DNAI1: variants seen among roughly 807,000 people sequenced by gnomAD.
DNAI1 encodes the protein dynein, axonemal, intermediate polypeptide 1.
Under a neutral mutation model 92.0 loss-of-function variants are expected in DNAI1, and 67 were observed. The observed-to-expected ratio is 0.73, with a 90% CI of 0.60 to 0.89. DNAI1 has a LOEUF of 0.89. DNAI1 is among the 40% of genes least tolerant of loss of function. DNAI1 has a pLI of 0.00. For missense variants in DNAI1, 839 were observed against 866.6 expected (o/e 0.97, Z 0.40); for synonymous variants, 323 against 319.6 (o/e 1.01, Z -0.11).
intron 4 of DNAI1, among the ~76,000 whole-genome samples, chr9:34,485,731 A>G (rs1446210933): frequency 6.6e-6 from 1 of 152,132 alleles, no homozygotes; most frequent in African/African-American, 2.4e-5. Context: ...TGTGGTCTTA[A>G]GTGTCCTGCA....
At chr9:34,463,081 C>T (rs945860662) in intron 1 of DNAI1, among the ~76,000 whole-genome samples, 30 of 151,860 alleles carry the variant, frequency 2.0e-4, no homozygotes, top group Admixed American at 1.2e-3. Flanking sequence ...ATAGGATGGA[C>T]AGGGAAGGTG....
chr9:34,506,601 C>G lies in DNAI1; in HGVS notation c.1064-26C>G, dbSNP rs541304740. The G allele has an allele frequency of 2.5e-6, 4 of 1,614,016 alleles. No individual in the cohort carries two copies. The South Asian group carries it at 3.3e-5, about 13-fold the overall frequency. On this transcript the variant is annotated intron_variant, in intron 12 of 19. Transcript: ENST00000242317. The stretch of plus-strand genomic sequence containing the variant: ...AGGCAGGGCAGTTGGATCCTCCAAC[C>G]TCAGCCGCCCATCTTCCCTGGGTAG...
At chr9:34,503,589 AG>A (rs1456953921) in intron 12 of DNAI1, among the ~76,000 whole-genome samples, 1 of 152,198 alleles carries the variant, frequency 6.6e-6, no homozygotes, top group Admixed American at 6.5e-5. Context: ...AAACTTTGGC[AG>A]GGGTAGGTAT....
In DNAI1 at chr9:34,490,503, A is replaced by C. The variant is rs780220968; in HGVS notation, c.621+15A>C. The C allele has an allele frequency of 1.5e-5, 25 of 1,613,444 alleles. No homozygotes were observed. Among genetic ancestry groups the C allele is most frequent in the Non-Finnish European group, 2.1e-5 (25 of 1,180,002 alleles). ...ACCCTGTCCGGGTAGAGCAGCCCCC[A>C]CCCTAGCCCCTTTGCAGCTCTTCAC... On this transcript the variant is annotated intron_variant, in intron 7 of 19. Coordinates refer to ENST00000242317, the MANE Select transcript of DNAI1 (RefSeq NM_012144.4).
chr9:34,506,783 A>T lies in DNAI1; in HGVS notation c.1220A>T (p.Asn407Ile). ...YLVAVGHYDG[N>I]VAIYNLKKPH... ...GTGGCAGTAGGCCACTATGACGGCA[A>T]CGTGGCCATTTACAACCTCAAGAAG... Residue 407 changes from asparagine to isoleucine, a missense_variant, in exon 13 of 20, where the codon AAC becomes ATC. Asn to Ile is a moderately radical substitution (Grantham distance 149, BLOSUM62 -3). Coordinates refer to ENST00000242317, the MANE Select transcript of DNAI1 (RefSeq NM_012144.4). 1 of 1,614,166 alleles carries T rather than the reference A, an allele frequency of 6.2e-7. No individual in the cohort carries two copies. The highest frequency in any genetic ancestry group is 1.3e-5 in the African/African-American group (1 of 75,058).
At chr9:34,497,091 C>T in intron 9 of DNAI1, 24 bp from the exon 10 acceptor site, 1 of 1,598,182 alleles carries the variant, frequency 6.3e-7, no homozygotes, top group Non-Finnish European at 8.6e-7. Flanking sequence ...TTTATGAGGA[C>T]CTGAAGTTTC....
At chr9:34,500,005 A>G (rs1824795766) in intron 10 of DNAI1, among the ~76,000 whole-genome samples, 1 of 152,184 alleles carries the variant, frequency 6.6e-6, no homozygotes, top group Non-Finnish European at 1.5e-5. Flanking sequence ...AATACAGGTG[A>G]TGGATGTTGG....
At chr9:34,516,526 T>C (rs1423491939) in intron 18 of DNAI1, among the ~76,000 whole-genome samples, 2 of 152,144 alleles carry the variant, frequency 1.3e-5, no homozygotes, top group Non-Finnish European at 2.9e-5. Context: ...GCACTTTACA[T>C]ATATTAACTG....
At chr9:34,513,343 C>A in intron 16 of DNAI1, 152 bp downstream of exon 16, 1 of 696,638 alleles carries the variant, frequency 1.4e-6, no homozygotes, top group Non-Finnish European at 2.6e-6. Context: ...TCTTGACCTG[C>A]TTGGGTGATA....
intron 8 of DNAI1, among the ~76,000 whole-genome samples, chr9:34,492,173 G>A (rs1824613443): frequency 2.0e-5 from 3 of 152,088 alleles, no homozygotes; most frequent in Admixed American, 2.0e-4. Flanking sequence ...AGATAACAAA[G>A]ATTAGAGTAC....
intron 1 of DNAI1, among the ~76,000 whole-genome samples, chr9:34,480,220 C>A (rs1326633311): frequency 6.6e-6 from 1 of 151,144 alleles, no homozygotes; most frequent in Non-Finnish European, 1.5e-5. Flanking sequence ...TCTGAAACAC[C>A]TATTTGTTCT....
chr9:34,493,520 TC>T (rs1487954863), intron 9 of DNAI1, among the ~76,000 whole-genome samples, 192 bp downstream of exon 9: 6 of 151,760 alleles, frequency 4.0e-5, no homozygotes, highest in Admixed American at 1.3e-4. Flanking sequence ...ATTCCATACC[TC>T]CCCCCAGTAA....
At position 34,485,238 on chromosome 9, in the gene DNAI1, G is replaced by A. The variant is rs1824447219; in HGVS notation, c.178G>A (p.Ala60Thr). 4 of 1,614,180 alleles carry A rather than the reference G, an allele frequency of 2.5e-6. No individual in the cohort carries two copies. Among genetic ancestry groups the A allele is most frequent in the Non-Finnish European group, 3.4e-6 (4 of 1,180,030 alleles). ...CCCTGACCAGCTGGAGTTGACCGAT[G>A]CGGTGAGTGAGTAGCCTCTTGTTCT... is the stretch of plus-strand genomic sequence containing the variant. ...RPPDQLELTD[A>T]ELKEEFTRIL... The change falls in exon 3 of 20, where the codon GCG becomes ACG. Residue 60 changes from alanine to threonine, a missense_variant and splice_region_variant. Coordinates refer to ENST00000242317, the MANE Select transcript of DNAI1 (RefSeq NM_012144.4).
chr9:34,507,306 A>G (rs1441408665), intron 13 of DNAI1, among the ~76,000 whole-genome samples: 1 of 152,236 alleles, frequency 6.6e-6, no homozygotes, highest in Non-Finnish European at 1.5e-5. Flanking sequence ...CTAATAGCTT[A>G]CTTTTGACCA....
At position 34,514,512 on chromosome 9, in the gene DNAI1, G is replaced by A. The variant is rs2132083938; in HGVS notation, c.1688G>A (p.Trp563Ter). 6.2e-7 allele frequency: 1 copy of A among 1,614,226 alleles called. No individual in the cohort carries two copies. The highest frequency in any genetic ancestry group is 1.6e-4 in the Middle Eastern group (1 of 6,062). ...GTCTTCATGTCCTGCAGCTCCGACT[G>A]GACAGTGAAGATCTGGGACCACACC... The part of the protein sequence containing the change: ...TKVFMSCSSD[W>*]TVKIWDHTIK... Residue 563 changes from tryptophan to a stop codon, truncating the protein, a stop_gained, in exon 17 of 20, where the codon TGG (tryptophan) becomes TAG (stop). Transcript: ENST00000242317. LOFTEE classifies it high-confidence loss of function.
intron 8 of DNAI1, among the ~76,000 whole-genome samples, chr9:34,492,491 A>AAGATAGATAGAT (rs201589758): frequency 3.6e-5 from 1 of 27,750 alleles, no homozygotes; most frequent in African/African-American, 1.2e-4. Flanking sequence ...TGGGGATATG[A>AAGATAGATAGAT]AGATATATAT....
intron 19 of DNAI1, among the ~76,000 whole-genome samples, chr9:34,518,125 C>T (rs1484299978): frequency 1.3e-5 from 2 of 152,228 alleles, no homozygotes; most frequent in Non-Finnish European, 2.9e-5. Flanking sequence ...GCCTTGGAAT[C>T]CTGAGCCCAA....
intron 1 of DNAI1, among the ~76,000 whole-genome samples, chr9:34,482,814 G>T (rs1824391011): frequency 6.6e-6 from 1 of 152,258 alleles, no homozygotes; most frequent in Non-Finnish European, 1.5e-5. Context: ...TGGAGCAGAG[G>T]ATGGTGCTCG....
chr9:34,477,370 A>G (rs1824258811), intron 1 of DNAI1, among the ~76,000 whole-genome samples: 1 of 152,182 alleles, frequency 6.6e-6, no homozygotes, highest in African/African-American at 2.4e-5. Flanking sequence ...TGATGTCTCT[A>G]TACCTCAGTT....
Sources: gnomAD v4.1 joint callset for allele counts (sites outside exome capture counted in the v4.1 genomes callset) on GRCh38, gnomAD v4.1.1 for gene constraint, MANE v1.5 for transcripts, NCBI Gene and HGNC (gene_info 2026-07-23, HGNC 2026-07-21) for gene names.